PCDHGA7: variants seen among roughly 807,000 people sequenced by gnomAD.
PCDHGA7 encodes protocadherin gamma subfamily A, 7.
A neutral mutation model predicts 58.3 loss-of-function variants in PCDHGA7; 44 were observed. The ratio of observed to expected loss-of-function variants is 0.75; its 90% CI spans 0.59 to 0.97. The LOEUF is 0.97. PCDHGA7 is among the 50% of genes least tolerant of loss of function. The pLI, the probability that PCDHGA7 is intolerant of heterozygous loss-of-function variation, is 0.00. For synonymous variants in PCDHGA7, 516 were observed against 504.2 expected (o/e 1.02, Z -0.31); for missense variants, 1,266 against 1,188.7 (o/e 1.06, Z -0.96).
At chr5:141,469,233 C>T (rs2099194657) in intron 1 of PCDHGA7, among the ~76,000 whole-genome samples, 1 of 149,878 alleles carries the variant, frequency 6.7e-6, no homozygotes, top group African/African-American at 2.5e-5. Context: ...GCCATGATCA[C>T]CCCACTGCAC....
chr5:141,422,616 C>T, intron 1 of PCDHGA7: 1 of 1,613,714 alleles, frequency 6.2e-7, no homozygotes. Flanking sequence ...CCTACATTCC[C>T]GAAAACAACC....
rs762687404 is a variant in PCDHGA7 at position 141,486,468 on chromosome 5, A to G, written c.2425-8339A>G. Reference sequence around the variant, plus strand: ...ATGGTCACTGCTTCTGATGCTGGGAACCCTCCTCTCAGTACCCACAGAACT... The same window carrying G: ...ATGGTCACTGCTTCTGATGCTGGGAGCCCTCCTCTCAGTACCCACAGAACT... On this transcript the variant is annotated intron_variant, in intron 1 of 3. Transcript: ENST00000518325. This position sits in a 1 kb window ranked among gnomAD's most constrained non-coding sequence, Gnocchi z 5.0. The G allele has an allele frequency of 1.2e-6, 2 of 1,612,906 alleles. No individual in the cohort carries two copies. Among genetic ancestry groups the G allele is most frequent in the Middle Eastern group, 1.6e-4 (1 of 6,062 alleles).
chr5:141,409,007 C>T, intron 1 of PCDHGA7: 1 of 1,613,932 alleles, frequency 6.2e-7, no homozygotes, highest in Non-Finnish European at 8.5e-7. Context: ...AGCCACTGAC[C>T]AGGATGAGGG....
In PCDHGA7 at chr5:141,439,058, TGGCA is replaced by T. The variant is rs1241503235; in HGVS notation, c.2424+53739_2424+53742del. On this transcript the variant is annotated intron_variant, in intron 1 of 3. Transcript: ENST00000518325. ...CAGTTCATAAGATTTCCATATTGTG[TGGCA>T]GGCGCCTGTAATCCCAGCTACTCAG... 2.0e-5 allele frequency among the ~76,000 whole-genome samples: 3 copies of T among 151,580 alleles called. No individual in the cohort carries two copies. The East Asian group carries it at 5.9e-4, about 30-fold the overall frequency.
At position 141,409,535 on chromosome 5, in the gene PCDHGA7, A is replaced by G. The variant is rs745624722; in HGVS notation, c.2424+24212A>G. 5 of 1,613,894 alleles carry G rather than the reference A, an allele frequency of 3.1e-6. No homozygotes were observed. The African/African-American group carries it at 4.0e-5, about 13-fold the overall frequency. ...AAGCATCACCTTGTATGTCGCTGAC[A>G]TCAACGACAACGCCCCAGTTTTCGA... On this transcript the variant is annotated intron_variant, in intron 1 of 3. Coordinates refer to ENST00000518325, the MANE Select transcript of PCDHGA7 (RefSeq NM_018920.4).
chr5:141,501,508 C>A (rs1378333182), intron 2 of PCDHGA7, among the ~76,000 whole-genome samples: 1 of 151,960 alleles, frequency 6.6e-6, no homozygotes, highest in Non-Finnish European at 1.5e-5. Flanking sequence ...GGCTCCAAGG[C>A]CTCCAAGCTG....
In PCDHGA7 at chr5:141,476,702, C is replaced by A. The variant is rs751321222; in HGVS notation, c.2425-18105C>A. 1.4e-5 allele frequency: 23 copies of A among 1,614,104 alleles called. No individual in the cohort carries two copies. Among genetic ancestry groups the A allele is most frequent in the Non-Finnish European group, 1.7e-5 (20 of 1,180,050 alleles). ...GGAGGACAGCACCAAGTACGCGGAG[C>A]TGGTGTTGGAGCGCGCCCTGGACCG... is the stretch of plus-strand genomic sequence containing the variant. On this transcript the variant is annotated intron_variant, in intron 1 of 3. Coordinates refer to ENST00000518325, the MANE Select transcript of PCDHGA7 (RefSeq NM_018920.4). The surrounding 1 kb of genome is among the most constrained non-coding windows in gnomAD (Gnocchi z 7.6).
At chr5:141,389,860 A>G (rs1274502656) in intron 1 of PCDHGA7, 2 of 1,614,052 alleles carry the variant, frequency 1.2e-6, no homozygotes, top group African/African-American at 2.7e-5. Flanking sequence ...GCCACGTTGC[A>G]CCTGGTCTTC....
chr5:141,409,990 C>T (rs377295503), intron 1 of PCDHGA7: 1 of 1,613,160 alleles, frequency 6.2e-7, no homozygotes, highest in Non-Finnish European at 8.5e-7. Flanking sequence ...CGGTGGACGC[C>T]GACTCGGGAC....
chr5:141,399,832 G>C (rs2093898646), intron 1 of PCDHGA7: 1 of 1,613,034 alleles, frequency 6.2e-7, no homozygotes, highest in Admixed American at 1.7e-5. Context: ...CGACGGCTCT[G>C]CGCTCTTCGA....
At chr5:141,392,322 A>G (rs2092513343) in intron 1 of PCDHGA7, 1 of 152,296 alleles carries the variant, frequency 6.6e-6, no homozygotes, top group South Asian at 2.1e-4. Flanking sequence ...TTAAGACCAA[A>G]TGTATTGCAG....
intron 1 of PCDHGA7, chr5:141,415,232 C>G (rs1329834276): frequency 3.1e-6 from 5 of 1,614,076 alleles, no homozygotes; most frequent in Non-Finnish European, 4.2e-6. Flanking sequence ...GAGTCTCCAG[C>G]TAACTCTGAA....
In PCDHGA7 at chr5:141,384,788, G is replaced by C. The variant is rs765446040; in HGVS notation, c.1889G>C (p.Arg630Pro). The C allele has an allele frequency of 1.3e-5, 21 of 1,613,120 alleles. No homozygotes were observed. Among genetic ancestry groups the C allele is most frequent in the African/African-American group, 2.7e-5 (2 of 74,912 alleles). ...GLYTGEVRTA[R>P]ALLDRDALKQ... ...TACACGGGCGAGGTGCGCACGGCTC[G>C]GGCCCTGCTGGACAGAGATGCCCTC... The change falls in exon 1 of 4, where the codon CGG becomes CCG. Residue 630 changes from arginine to proline, a missense_variant. By Grantham distance (103) the Arg-to-Pro change is moderately radical. Transcript: ENST00000518325.
At chr5:141,423,837 A>G (rs73792199) in intron 1 of PCDHGA7, 16,285 of 1,277,458 alleles carry the variant, frequency 0.013, 610 homozygotes, top group African/African-American at 0.098. Context: ...TGAGATTACG[A>G]TAATCTTTCA....
chr5:141,417,524 T>C (rs2096128269), intron 1 of PCDHGA7: 1 of 271,098 alleles, frequency 3.7e-6, no homozygotes, highest in African/African-American at 2.2e-5. Flanking sequence ...GGCTGTCAAC[T>C]CGTAGTTTAA....
chr5:141,384,221 A>C lies in PCDHGA7; in HGVS notation c.1322A>C (p.Gln441Pro). 1 of 1,613,936 alleles carries C rather than the reference A, an allele frequency of 6.2e-7. No homozygotes were observed. The highest frequency in any genetic ancestry group is 8.5e-7 in the Non-Finnish European group (1 of 1,179,898). ...PLSRETHIFM[Q>P]VADTNDNPPT... ...TCCAGGGAAACTCACATATTCATGC[A>C]GGTGGCAGACACCAACGATAACCCA... Residue 441 changes from glutamine to proline, a missense_variant, in exon 1 of 4, where the codon CAG becomes CCG. Gln to Pro is a moderately conservative substitution (Grantham distance 76). Transcript: ENST00000518325.
intron 1 of PCDHGA7, chr5:141,403,717 G>T: frequency 6.2e-7 from 1 of 1,613,936 alleles, no homozygotes; most frequent in Non-Finnish European, 8.5e-7. Flanking sequence ...TTGAGAACGT[G>T]CCCCCAGGCA....
chr5:141,397,379 T>C (rs1470838357), intron 1 of PCDHGA7, among the ~76,000 whole-genome samples: 1 of 152,206 alleles, frequency 6.6e-6, no homozygotes, highest in East Asian at 1.9e-4. Context: ...TGGGGATTGG[T>C]ATAAAATTGC....
At chr5:141,407,032 CAT>C (rs2094880022) in intron 1 of PCDHGA7, among the ~76,000 whole-genome samples, 1 of 152,174 alleles carries the variant, frequency 6.6e-6, no homozygotes, top group African/African-American at 2.4e-5. Flanking sequence ...CTATGCTAAA[CAT>C]GTGATCCATA....
Sources: allele counts gnomAD v4.1 joint callset (sites outside exome capture counted in the v4.1 genomes callset), GRCh38; gene constraint gnomAD v4.1.1; non-coding constraint Gnocchi (gnomAD v3.1); transcripts MANE v1.5; gene names NCBI Gene and HGNC (gene_info 2026-07-23, HGNC 2026-07-21).